Variants in POT1 observed in about 807,000 individuals in gnomAD.
POT1 encodes protection of telomeres 1.
In POT1, 47 loss-of-function variants were observed where a neutral mutation model predicts 78.5. The observed-to-expected ratio is 0.60, with a 90% confidence interval of 0.47 to 0.76. The LOEUF is 0.76. Among genes scored for constraint, POT1 ranks in the 30% least tolerant of loss-of-function variants. POT1 has a pLI of 0.00. For synonymous variants in POT1, 259 were observed against 260.7 expected, an observed-to-expected ratio of 0.99 and a Z score of 0.06; for missense variants, 646 against 749.9, an observed-to-expected ratio of 0.86 and a Z score of 1.62.
intron 2 of POT1, among the ~76,000 whole-genome samples, chr7:124,922,093 C>T (rs530548446): frequency 1.3e-5 from 2 of 151,704 alleles, no homozygotes; most frequent in Admixed American, 6.6e-5. Flanking sequence ...AGCAGTGGAC[C>T]GGCATCTCTA....
At chr7:124,863,715 A>C in intron 7 of POT1, 75 bp from the exon 8 acceptor site, 1 of 1,153,576 alleles carries the variant, frequency 8.7e-7, no homozygotes, top group Non-Finnish European at 1.2e-6. Context: ...GAACCAAAGA[A>C]ACTGGAAAGA....
rs759246088 is a variant in POT1 at position 124,827,207 on chromosome 7, T to TA, written c.1686+6dup. Reference sequence around the variant, plus strand: ...TTAAAAATATCTTTATTACCTCTGATACTTACAGAATCCATGAGATAGGCT... The same window carrying TA: ...TTAAAAATATCTTTATTACCTCTGATAACTTACAGAATCCATGAGATAGGCT... On this transcript the variant is annotated splice_region_variant and intron_variant, in intron 17 of 18. Coordinates refer to ENST00000357628, the MANE Select transcript of POT1 (RefSeq NM_015450.3). 1 of 1,437,764 alleles carries TA rather than the reference T, an allele frequency of 7.0e-7. No homozygotes were observed. The highest frequency in any genetic ancestry group is 1.4e-5 in the South Asian group (1 of 69,428). 89.1% of individuals were successfully genotyped at this position (1,437,764 alleles called of 1,614,324 possible).
chr7:124,831,464 C>G (rs1414220627), intron 15 of POT1, among the ~76,000 whole-genome samples: 1 of 152,122 alleles, frequency 6.6e-6, no homozygotes. Context: ...CTGACCCTTA[C>G]TGTGTAAAAT....
intron 5 of POT1, among the ~76,000 whole-genome samples, chr7:124,894,661 G>A (rs886119891): frequency 1.3e-5 from 2 of 151,502 alleles, no homozygotes; most frequent in African/African-American, 4.8e-5. Context: ...CTTCAACAAG[G>A]TAATTAAATT....
chr7:124,862,031 G>A (rs561471280), intron 8 of POT1, among the ~76,000 whole-genome samples: 1 of 152,256 alleles, frequency 6.6e-6, no homozygotes, highest in East Asian at 1.9e-4. Flanking sequence ...TTGAAGTCAG[G>A]TAGCATGATG....
chr7:124,825,136 C>T (rs1584746310), intron 18 of POT1, 116 bp downstream of exon 18: 1 of 563,182 alleles, frequency 1.8e-6, no homozygotes, highest in East Asian at 3.0e-5. Flanking sequence ...TCACTCACTA[C>T]TTAGTAAATC....
chr7:124,876,644 T>C (rs1795997652), intron 6 of POT1, among the ~76,000 whole-genome samples: 1 of 152,204 alleles, frequency 6.6e-6, no homozygotes, highest in African/African-American at 2.4e-5. Flanking sequence ...ATATGTACCA[T>C]TACTGAAGTA....
intron 5 of POT1, among the ~76,000 whole-genome samples, chr7:124,893,058 CT>C (rs1796410322): frequency 1.3e-5 from 2 of 151,192 alleles, no homozygotes; most frequent in Admixed American, 6.6e-5. Context: ...TAAGGACACT[CT>C]CAAGGAATCT....
intron 6 of POT1, among the ~76,000 whole-genome samples, chr7:124,889,993 T>C (rs759662048): frequency 2.0e-5 from 3 of 151,902 alleles, no homozygotes; most frequent in Non-Finnish European, 4.4e-5. Context: ...AAAAAATACC[T>C]TTTATAAGGC....
chr7:124,843,836 T>A (rs1023808967), intron 12 of POT1, among the ~76,000 whole-genome samples: 1 of 152,210 alleles, frequency 6.6e-6, no homozygotes, highest in Non-Finnish European at 1.5e-5. Flanking sequence ...TTTAATCCAA[T>A]GAAATTCTTG....
chr7:124,849,084 C>A (rs371644511), intron 11 of POT1, among the ~76,000 whole-genome samples: 6 of 152,174 alleles, frequency 3.9e-5, no homozygotes, highest in East Asian at 3.9e-4. Context: ...TTTTATAAAG[C>A]ATCATACACA....
chr7:124,829,444 TA>T, intron 15 of POT1, 102 bp from the exon 16 acceptor site: 1 of 709,208 alleles, frequency 1.4e-6, no homozygotes, highest in Non-Finnish European at 2.3e-6. Context: ...AAATATAAAT[TA>T]TTAAACAGAA....
At chr7:124,895,470 A>T (rs1423886993) in intron 5 of POT1, among the ~76,000 whole-genome samples, 1 of 151,664 alleles carries the variant, frequency 6.6e-6, no homozygotes, top group African/African-American at 2.4e-5. Context: ...ACAAAAATCA[A>T]GCACAGCAGA....
intron 8 of POT1, among the ~76,000 whole-genome samples, chr7:124,862,395 G>A (rs1044680685): frequency 6.6e-6 from 1 of 152,176 alleles, no homozygotes; most frequent in Non-Finnish European, 1.5e-5. Context: ...GCCAGAGTAT[G>A]ACTGGTTGAC....
intron 6 of POT1, among the ~76,000 whole-genome samples, chr7:124,886,911 A>T (rs937703684): frequency 1.3e-5 from 2 of 152,094 alleles, no homozygotes; most frequent in South Asian, 2.1e-4. Flanking sequence ...AGTTTTTTTT[A>T]AAATGATGTA....
chr7:124,871,590 C>A (rs2116569415), intron 6 of POT1, among the ~76,000 whole-genome samples: 1 of 151,916 alleles, frequency 6.6e-6, no homozygotes, highest in East Asian at 1.9e-4. Context: ...TTGCTAGTCA[C>A]CTATAAAAAA....
intron 3 of POT1, among the ~76,000 whole-genome samples, chr7:124,911,336 G>A (rs1175401158): frequency 1.3e-5 from 2 of 152,062 alleles, no homozygotes; most frequent in Non-Finnish European, 2.9e-5. Flanking sequence ...ATGATTGTGT[G>A]TATGTGCACT....
intron 6 of POT1, among the ~76,000 whole-genome samples, chr7:124,874,034 T>C (rs1184105741): frequency 6.6e-6 from 1 of 152,214 alleles, no homozygotes; most frequent in South Asian, 2.1e-4. Context: ...TGACTACCCA[T>C]CCTTATTCTC....
chr7:124,901,666 G>C lies in POT1; in HGVS notation c.-153-3292C>G, dbSNP rs940343276. ...CCTCGCCAGCAATGGAACAAAGCTGGACAGAGAATAACTTTGATGAGTTGG... is the reference window on the plus strand; with the variant it reads ...CCTCGCCAGCAATGGAACAAAGCTGCACAGAGAATAACTTTGATGAGTTGG... On this transcript the variant is annotated intron_variant, in intron 3 of 18. Transcript: ENST00000357628. Among the ~76,000 whole-genome samples, 4 of 152,202 alleles carry C rather than the reference G, an allele frequency of 2.6e-5. 1 individual carries two copies. The highest frequency in any genetic ancestry group is 1.3e-4 in the Admixed American group (2 of 15,282).
Sources: allele counts gnomAD v4.1 joint callset (sites outside exome capture counted in the v4.1 genomes callset), GRCh38; gene constraint gnomAD v4.1.1; transcripts MANE v1.5; gene names NCBI Gene and HGNC (gene_info 2026-07-23, HGNC 2026-07-21).